EMC2: variants seen among roughly 807,000 people sequenced by gnomAD.
The protein encoded by EMC2 is TPR repeat protein 35.
In EMC2, 37 loss-of-function variants were observed where a neutral mutation model predicts 51.6. The observed-to-expected ratio is 0.72, with a 90% CI of 0.55 to 0.94. EMC2 has a LOEUF of 0.94. Ranked by LOEUF, EMC2 falls within the 40% of genes least tolerant of loss-of-function variation. The pLI, the probability that EMC2 is intolerant of heterozygous loss-of-function variation, is 0.00. For missense variants in EMC2, 359 were observed against 350.9 expected (o/e 1.02, Z -0.18); for synonymous variants, 131 against 112.4 (o/e 1.17, Z -1.04).
Position 108,486,646 on chromosome 8 carries a change from C to A in EMC2, c.*48C>A. On this transcript the variant is annotated 3_prime_UTR_variant, in exon 11 of 11. Coordinates refer to ENST00000220853, the MANE Select transcript of EMC2 (RefSeq NM_014673.5). ...TAGATTTCACAACTGCACAATTGAACTTATTGGCCTGTAACTTATTTACTA... is the reference window on the plus strand; with the variant it reads ...TAGATTTCACAACTGCACAATTGAAATTATTGGCCTGTAACTTATTTACTA... 6.5e-7 allele frequency: 1 copy of A among 1,532,494 alleles called. No homozygotes were observed. The highest frequency in any genetic ancestry group is 1.3e-5 in the South Asian group (1 of 78,770). The allele number at this position is 1,532,494 out of a possible 1,614,324, so 94.9% of individuals were successfully genotyped here. A position where few individuals can be genotyped will look rare whatever the true frequency, so the allele number is the denominator to read the frequency against.
At chr8:108,460,211 C>T (rs1326588046) in intron 5 of EMC2, among the ~76,000 whole-genome samples, 1 of 152,146 alleles carries the variant, frequency 6.6e-6, no homozygotes, top group African/African-American at 2.4e-5. Context: ...ATTAGGAGTA[C>T]AATATTTTGA....
intron 1 of EMC2, among the ~76,000 whole-genome samples, chr8:108,447,160 C>G (rs1409574114): frequency 1.3e-5 from 2 of 152,080 alleles, no homozygotes; most frequent in Non-Finnish European, 2.9e-5. Flanking sequence ...ACAAAGGATT[C>G]TAATGAGTAT....
chr8:108,454,144 T>C (rs1384249178), intron 4 of EMC2, among the ~76,000 whole-genome samples: 1 of 152,118 alleles, frequency 6.6e-6, no homozygotes, highest in East Asian at 1.9e-4. Context: ...AGTTGGGTCA[T>C]GTTTTTAAAT....
intron 1 of EMC2, among the ~76,000 whole-genome samples, 179 bp from the exon 2 acceptor site, chr8:108,449,644 C>T (rs1818967904): frequency 6.6e-6 from 1 of 152,124 alleles, no homozygotes; most frequent in African/African-American, 2.4e-5. Flanking sequence ...ATCTGTTGCC[C>T]TTGTTCAATT....
At chr8:108,474,841 TTGA>T (rs1201156243) in intron 7 of EMC2, 2 of 151,964 alleles carry the variant, frequency 1.3e-5, no homozygotes, top group Non-Finnish European at 2.9e-5. Context: ...CTCTAGCATG[TTGA>T]TAATAATTTC....
rs1304374919 is a variant in EMC2 at position 108,487,609 on chromosome 8, A to G, written c.*1011A>G. On this transcript the variant is annotated 3_prime_UTR_variant, in exon 11 of 11. Transcript: ENST00000220853. ...TAGCAACTGTTCACCGCAAATATTT[A>G]TGGTATTTGTTTATAATAAATATAT... is the stretch of plus-strand genomic sequence containing the variant. 3.9e-5 allele frequency among the ~76,000 whole-genome samples: 6 copies of G among 152,002 alleles called. No individual in the cohort carries two copies. The highest frequency in any genetic ancestry group is 1.2e-4 in the African/African-American group (5 of 41,444).
rs1331464849 is a variant in EMC2, at chr8:108,470,129, A to C, written c.509+8A>C. On this transcript the variant is annotated splice_region_variant and intron_variant, in intron 7 of 10. Transcript: ENST00000220853. The stretch of plus-strand genomic sequence containing the variant: ...TTACATCAATGAACATGAGTAAGTT[A>C]TTAAACACACAACATTTTGTTGAGT... 16 of 1,600,600 alleles carry C rather than the reference A, an allele frequency of 1.0e-5. No homozygotes were observed. The highest frequency in any genetic ancestry group is 1.4e-5 in the Non-Finnish European group (16 of 1,168,642).
At chr8:108,446,504 C>T (rs1023161538) in intron 1 of EMC2, among the ~76,000 whole-genome samples, 4 of 152,024 alleles carry the variant, frequency 2.6e-5, no homozygotes, top group African/African-American at 7.3e-5. Context: ...CGAAATACTT[C>T]GAAATACTTC....
intron 4 of EMC2, 55 bp downstream of exon 4, chr8:108,453,202 AAT>A: frequency 1.9e-6 from 2 of 1,054,484 alleles, no homozygotes; most frequent in Non-Finnish European, 2.8e-6. Flanking sequence ...TGGTGGTGTT[AAT>A]TTTTTTTTTT....
At chr8:108,443,944 C>CG (rs1321944105) in intron 1 of EMC2, among the ~76,000 whole-genome samples, 1 of 152,112 alleles carries the variant, frequency 6.6e-6, no homozygotes, top group African/African-American at 2.4e-5. Context: ...TCCAGCGTCC[C>CG]GGGGCCGCTT....
At chr8:108,481,116 A>G (rs1811037234) in intron 10 of EMC2, among the ~76,000 whole-genome samples, 1 of 152,024 alleles carries the variant, frequency 6.6e-6, no homozygotes, top group Non-Finnish European at 1.5e-5. Flanking sequence ...GGTTTGGAAA[A>G]TTGACTGTTA....
At position 108,456,988 on chromosome 8, in the gene EMC2, G is replaced by A. The variant is rs1819182723; in HGVS notation, c.363+1058G>A. On this transcript the variant is annotated intron_variant, in intron 5 of 10. Transcript: ENST00000220853. ...ATGAAGTTTCTCTCTTATTTGGCAA[G>A]TATTTCTTTAAAAATATACATTAAA... Among the ~76,000 whole-genome samples, 3 of 152,194 alleles carry A rather than the reference G, an allele frequency of 2.0e-5. No homozygotes were observed. In the South Asian group the frequency reaches 6.2e-4, roughly 32 times the overall value.
chr8:108,477,454 A>G (rs1004246859), intron 9 of EMC2, among the ~76,000 whole-genome samples: 2 of 152,030 alleles, frequency 1.3e-5, no homozygotes, highest in Non-Finnish European at 2.9e-5. Context: ...TTTAAAACAT[A>G]TATATAAAGT....
Position 108,455,639 on chromosome 8 carries a change from T to G in EMC2, c.306-234T>G, listed in dbSNP as rs540984451. Among the ~76,000 whole-genome samples, 3 of 152,268 alleles carry G rather than the reference T, an allele frequency of 2.0e-5. No individual in the cohort carries two copies. The East Asian group carries it at 5.8e-4, about 29-fold the overall frequency. On this transcript the variant is annotated intron_variant, in intron 4 of 10. Transcript: ENST00000220853. ...GAATCAGTATTTTTTTAAGGGAAAT[T>G]TTCTATAAGTACTATATACATGATT...
chr8:108,462,296 A>AAAGATCATG (rs1468802233), intron 5 of EMC2, among the ~76,000 whole-genome samples: 1 of 151,946 alleles, frequency 6.6e-6, no homozygotes, highest in African/African-American at 2.4e-5. Flanking sequence ...AATATAGTTT[A>AAAGATCATG]AAGATCATGC....
At chr8:108,481,756 C>A (rs980504957) in intron 10 of EMC2, among the ~76,000 whole-genome samples, 2 of 152,054 alleles carry the variant, frequency 1.3e-5, no homozygotes, top group African/African-American at 4.8e-5. Flanking sequence ...CTTTTGTATT[C>A]CTTAAGAGTA....
intron 9 of EMC2, among the ~76,000 whole-genome samples, chr8:108,478,057 A>G (rs1291512278): frequency 3.3e-5 from 5 of 152,072 alleles, no homozygotes; most frequent in African/African-American, 4.8e-5. Context: ...AGAAGAAGGT[A>G]ACATTAAAGT....
chr8:108,485,540 T>C, intron 10 of EMC2, among the ~76,000 whole-genome samples: 1 of 73,404 alleles, frequency 1.4e-5, no homozygotes, highest in Non-Finnish European at 2.4e-5. Flanking sequence ...ATAATATATA[T>C]ATGTATATAT....
intron 2 of EMC2, 117 bp downstream of exon 2, chr8:108,450,053 C>G: frequency 2.0e-6 from 1 of 503,278 alleles, no homozygotes. Context: ...TTCTTTGTGA[C>G]TTTTTGTCCC....
Sources: gnomAD v4.1 joint callset for allele counts (sites outside exome capture counted in the v4.1 genomes callset) on GRCh38, gnomAD v4.1.1 for gene constraint, MANE v1.5 for transcripts, NCBI Gene and HGNC (gene_info 2026-07-23, HGNC 2026-07-21) for gene names.